Variants in PECR observed in about 807,000 individuals in gnomAD.
PECR encodes peroxisomal trans-2-enoyl-CoA reductase.
PECR carries 30 observed loss-of-function variants against 35.3 expected under a neutral mutation model. The ratio of observed to expected loss-of-function variants is 0.85; its 90% CI spans 0.64 to 1.15. PECR has a LOEUF of 1.15. PECR is among the 50% of genes most tolerant of loss of function. The pLI is 0.00. For synonymous variants in PECR, 148 were observed against 138.9 expected (o/e 1.07, Z -0.46); for missense variants, 392 against 370.8 (o/e 1.06, Z -0.47).
chr2:216,065,018 G>C (rs1237947573), intron 3 of PECR, among the ~76,000 whole-genome samples: 2 of 152,202 alleles, frequency 1.3e-5, no homozygotes, highest in Non-Finnish European at 2.9e-5. Flanking sequence ...AACAGAGTAA[G>C]TGTGAGAGTT....
chr2:216,039,926 G>A (rs914628948), intron 7 of PECR, among the ~76,000 whole-genome samples: 1 of 152,182 alleles, frequency 6.6e-6, no homozygotes, highest in Non-Finnish European at 1.5e-5. Flanking sequence ...TAAGTTGATC[G>A]AATATAGAGT....
At chr2:216,061,022 G>C (rs1695334192) in intron 3 of PECR, among the ~76,000 whole-genome samples, 1 of 150,952 alleles carries the variant, frequency 6.6e-6, no homozygotes, top group Non-Finnish European at 1.5e-5. Context: ...GCCGGGAGCA[G>C]TGCCTCACAC....
chr2:216,060,280 T>C lies in PECR; in HGVS notation c.425-1304A>G, dbSNP rs147785913. ...GGATAAATACCACCATATACATATA[T>C]TTATTTATTTCCTAGTTCTGAAAAT... On this transcript the variant is annotated intron_variant, in intron 3 of 7. Transcript: ENST00000265322. Among the ~76,000 whole-genome samples the C allele has an allele frequency of 1.3e-4, 20 of 152,294 alleles. No homozygotes were observed. In the East Asian group the frequency reaches 3.7e-3, roughly 28 times the overall value.
intron 6 of PECR, among the ~76,000 whole-genome samples, chr2:216,044,660 C>CAG (rs1218752305): frequency 6.6e-6 from 1 of 152,120 alleles, no homozygotes; most frequent in African/African-American, 2.4e-5. Flanking sequence ...TGCACCACTA[C>CAG]ATTCCAGCTT....
intron 7 of PECR, among the ~76,000 whole-genome samples, chr2:216,039,937 G>A (rs968827925): frequency 6.6e-6 from 1 of 152,050 alleles, no homozygotes; most frequent in Non-Finnish European, 1.5e-5. Context: ...AATATAGAGT[G>A]GATCTCAGAA....
intron 1 of PECR, among the ~76,000 whole-genome samples, chr2:216,077,507 CA>C (rs1158118603): frequency 2.2e-5 from 3 of 138,778 alleles, no homozygotes; most frequent in Non-Finnish European, 1.6e-5. Flanking sequence ...ACCTCCATCT[CA>C]AAAAAAAATA....
At chr2:216,071,006 CTTTT>C (rs1355115947) in intron 1 of PECR, among the ~76,000 whole-genome samples, 1 of 152,210 alleles carries the variant, frequency 6.6e-6, no homozygotes, top group African/African-American at 2.4e-5. Flanking sequence ...ACATCTCTCC[CTTTT>C]TGTTTTTGAA....
chr2:216,042,565 AT>A (rs906930524), intron 7 of PECR, among the ~76,000 whole-genome samples: 13 of 152,262 alleles, frequency 8.5e-5, no homozygotes, highest in African/African-American at 2.6e-4. Context: ...TTTTGGAGTG[AT>A]TTAGAGTTAT....
intron 7 of PECR, among the ~76,000 whole-genome samples, chr2:216,030,440 A>C (rs951962906): frequency 3.3e-5 from 5 of 152,214 alleles, no homozygotes; most frequent in African/African-American, 1.2e-4. Flanking sequence ...ACTACCTCAC[A>C]GAGTTTTTGT....
At chr2:216,039,391 T>C (rs770370911) in intron 7 of PECR, 31 bp from the exon 8 acceptor site, 1 of 1,271,256 alleles carries the variant, frequency 7.9e-7, no homozygotes, top group East Asian at 2.3e-5. Context: ...CTCCTGTCAC[T>C]TGCAAATCTC....
chr2:216,073,667 A>G (rs1427857526), intron 1 of PECR, among the ~76,000 whole-genome samples: 2 of 151,934 alleles, frequency 1.3e-5, no homozygotes, highest in South Asian at 2.1e-4. Context: ...TAAAAATACC[A>G]TATTTTTATT....
Position 216,049,388 on chromosome 2 carries a change from A to G in PECR, c.604-15T>C. 1 of 1,055,950 alleles carries G rather than the reference A, an allele frequency of 9.5e-7. No homozygotes were observed. The allele number at this position is 1,055,950 out of a possible 1,614,324, so 65.4% of individuals were successfully genotyped here. ...TAAATAACTCCCTGTGTTTAAAAAT[A>G]AAACAGGGACAAAATAAAGTGTATT... On this transcript the variant is annotated splice_polypyrimidine_tract_variant and intron_variant, in intron 5 of 7. Transcript: ENST00000265322.
At chr2:216,080,188 T>C (rs919283417) in intron 1 of PECR, among the ~76,000 whole-genome samples, 3 of 151,844 alleles carry the variant, frequency 2.0e-5, no homozygotes, top group Non-Finnish European at 2.9e-5. Context: ...TTCAAGCGAT[T>C]CTTGCGCCTC....
At chr2:216,046,218 CT>C (rs1694986104) in intron 6 of PECR, among the ~76,000 whole-genome samples, 2 of 142,556 alleles carry the variant, frequency 1.4e-5, no homozygotes, top group African/African-American at 5.2e-5. Flanking sequence ...AATAATATTT[CT>C]TAAATTTTGG....
chr2:216,034,061 G>A (rs1044903148), downstream of PECR: 9 of 152,250 alleles, frequency 5.9e-5, no homozygotes, highest in African/African-American at 2.2e-4. Flanking sequence ...GAGTGCAGAA[G>A]AAATACCAAA....
chr2:216,051,402 A>G (rs746093038), intron 5 of PECR, 47 bp downstream of exon 5: 2 of 1,119,246 alleles, frequency 1.8e-6, no homozygotes, highest in Non-Finnish European at 2.7e-6. Context: ...AAATGGAATC[A>G]GAAAGCATAA....
chr2:216,060,861 T>C (rs1305566876), intron 3 of PECR, among the ~76,000 whole-genome samples: 3 of 148,450 alleles, frequency 2.0e-5, no homozygotes, highest in Non-Finnish European at 3.0e-5. Context: ...CATTCATCAA[T>C]AGTAAGGCTT....
At chr2:216,053,715 C>T (rs2105952473) in intron 4 of PECR, among the ~76,000 whole-genome samples, 1 of 152,216 alleles carries the variant, frequency 6.6e-6, no homozygotes, top group Admixed American at 6.5e-5. Context: ...GATCAGGATG[C>T]TCAACCTATA....
At chr2:216,036,486 C>T (rs1293671080), downstream of PECR, among the ~76,000 whole-genome samples, 1 of 152,232 alleles carries the variant, frequency 6.6e-6, no homozygotes, top group African/African-American at 2.4e-5. Context: ...GATCTCTGAA[C>T]TCCCTTTGTC....
Sources: gnomAD v4.1 joint callset for allele counts (sites outside exome capture counted in the v4.1 genomes callset) on GRCh38, gnomAD v4.1.1 for gene constraint, MANE v1.5 for transcripts, NCBI Gene and HGNC (gene_info 2026-07-23, HGNC 2026-07-21) for gene names.